Variants in MEI4 observed in about 807,000 individuals in gnomAD.
MEI4 encodes the protein meiotic double-stranded break formation protein 4, also known as meiosis-specific protein MEI4.
MEI4 carries 27 observed loss-of-function variants against 31.4 expected under a neutral mutation model. The ratio of observed to expected loss-of-function variants is 0.86; its 90% confidence interval spans 0.63 to 1.19. The LOEUF is 1.19. Ranked by LOEUF, MEI4 falls within the 50% of genes most tolerant of loss-of-function variation. The pLI is 0.00. For missense variants in MEI4, 329 were observed against 398.9 expected (o/e 0.82, Z 1.49); for synonymous variants, 122 against 145.4 (o/e 0.84, Z 1.16).
chr6:77,878,696 C>T (rs1771404339), intron 4 of MEI4, among the ~76,000 whole-genome samples: 1 of 151,982 alleles, frequency 6.6e-6, no homozygotes, highest in Non-Finnish European at 1.5e-5. Flanking sequence ...ATAACACAAA[C>T]CGCTCAAGTG....
intron 3 of MEI4, among the ~76,000 whole-genome samples, chr6:77,801,021 A>G (rs1485758228): frequency 6.6e-6 from 1 of 151,434 alleles, no homozygotes; most frequent in Non-Finnish European, 1.5e-5. Context: ...TGAGTTAGGG[A>G]GGATTCCCTC....
chr6:77,840,122 G>C lies in MEI4; in HGVS notation c.900+11060G>C, dbSNP rs534733651. 2.6e-5 allele frequency among the ~76,000 whole-genome samples: 4 copies of C among 152,268 alleles called. No individual in the cohort carries two copies. The East Asian group carries it at 7.7e-4, about 29-fold the overall frequency. On this transcript the variant is annotated intron_variant, in intron 4 of 4. Coordinates refer to ENST00000684080, the MANE Select transcript of MEI4 (RefSeq NM_001322247.2). Reference sequence around the variant, plus strand: ...GTGTGTTTTTTGTGTGTTTGTACCTGTGTACATACATACATGCATACATGT... The same window carrying C: ...GTGTGTTTTTTGTGTGTTTGTACCTCTGTACATACATACATGCATACATGT...
At chr6:77,743,856 CAG>C (rs1272149635) in intron 2 of MEI4, among the ~76,000 whole-genome samples, 1 of 152,224 alleles carries the variant, frequency 6.6e-6, no homozygotes, top group Non-Finnish European at 1.5e-5. Context: ...CGCAGGCAAA[CAG>C]GGTGTGCAGT....
At chr6:77,787,485 T>C (rs1422241062) in intron 3 of MEI4, among the ~76,000 whole-genome samples, 1 of 152,190 alleles carries the variant, frequency 6.6e-6, no homozygotes, top group Non-Finnish European at 1.5e-5. Flanking sequence ...AACAGCCATG[T>C]GATCTGGCTC....
At chr6:77,799,883 T>C (rs900208283) in intron 3 of MEI4, among the ~76,000 whole-genome samples, 4 of 152,156 alleles carry the variant, frequency 2.6e-5, no homozygotes, top group African/African-American at 9.7e-5. Context: ...TACCATGCTG[T>C]TTTGGTTACT....
At chr6:77,744,346 A>G (rs1021686309) in intron 2 of MEI4, among the ~76,000 whole-genome samples, 1 of 152,204 alleles carries the variant, frequency 6.6e-6, no homozygotes, top group African/African-American at 2.4e-5. Flanking sequence ...AGCCGATGCA[A>G]TCAACTGGAA....
intron 4 of MEI4, among the ~76,000 whole-genome samples, chr6:77,867,179 G>C (rs1187964114): frequency 3.9e-5 from 6 of 152,090 alleles, no homozygotes; most frequent in Admixed American, 2.6e-4. Context: ...GACTTCATGT[G>C]TAAAACACCA....
chr6:77,800,334 CA>C (rs1769216298), intron 3 of MEI4, among the ~76,000 whole-genome samples: 1 of 152,066 alleles, frequency 6.6e-6, no homozygotes, highest in Admixed American at 6.6e-5. Context: ...GTGATTTTTG[CA>C]CATTGATTTT....
At chr6:77,792,203 T>C (rs1768955492) in intron 3 of MEI4, among the ~76,000 whole-genome samples, 1 of 152,188 alleles carries the variant, frequency 6.6e-6, no homozygotes, top group African/African-American at 2.4e-5. Context: ...AAAGTATTGA[T>C]GGACAATTAA....
At chr6:77,665,386 G>A (rs990714254) in intron 1 of MEI4, among the ~76,000 whole-genome samples, 10 of 152,086 alleles carry the variant, frequency 6.6e-5, no homozygotes. Context: ...AAGGGTGAAG[G>A]AGAAGGGGTT....
chr6:77,797,637 T>G (rs550707977), intron 3 of MEI4, among the ~76,000 whole-genome samples: 6 of 152,184 alleles, frequency 3.9e-5, no homozygotes, highest in Admixed American at 3.3e-4. Flanking sequence ...TTGAAGAACT[T>G]GGAGTCTGTT....
rs1770518439 is a variant in MEI4 at position 77,847,548 on chromosome 6, C to G, written c.900+18486C>G. ...TTACTGATTGTTTTTCTCTTGTTTCCTGTGGCAAGTAAAATATATTTGTTC... is the reference window on the plus strand; with the variant it reads ...TTACTGATTGTTTTTCTCTTGTTTCGTGTGGCAAGTAAAATATATTTGTTC... On this transcript the variant is annotated intron_variant, in intron 4 of 4. Coordinates refer to ENST00000684080, the MANE Select transcript of MEI4 (RefSeq NM_001322247.2). This position sits in a 1 kb window ranked among gnomAD's most constrained non-coding sequence, Gnocchi z 4.6. Among the ~76,000 whole-genome samples, 2 of 152,060 alleles carry G rather than the reference C, an allele frequency of 1.3e-5. No homozygotes were observed. The highest frequency in any genetic ancestry group is 2.9e-5 in the Non-Finnish European group (2 of 67,990).
At chr6:77,735,267 A>G (rs1290860126) in intron 2 of MEI4, among the ~76,000 whole-genome samples, 1 of 151,466 alleles carries the variant, frequency 6.6e-6, no homozygotes, top group Non-Finnish European at 1.5e-5. Flanking sequence ...ACTTTCAGGT[A>G]CACCAATCAG....
intron 4 of MEI4, among the ~76,000 whole-genome samples, chr6:77,835,954 A>G (rs930160031): frequency 2.6e-5 from 4 of 152,144 alleles, no homozygotes; most frequent in Non-Finnish European, 4.4e-5. Flanking sequence ...CAAATTGTAA[A>G]TGAAAAATAA....
intron 4 of MEI4, among the ~76,000 whole-genome samples, chr6:77,887,517 G>A (rs551182090): frequency 8.6e-5 from 13 of 151,960 alleles, no homozygotes; most frequent in Admixed American, 7.2e-4. Context: ...GGCTGGTCTC[G>A]AACTCCTGAC....
intron 3 of MEI4, among the ~76,000 whole-genome samples, chr6:77,822,395 G>T (rs879875933): frequency 6.6e-6 from 1 of 151,886 alleles, no homozygotes; most frequent in African/African-American, 2.4e-5. Flanking sequence ...TTATGGTAAG[G>T]GTTTATCATG....
At position 77,841,333 on chromosome 6, in the gene MEI4, A is replaced by ATATTTTTTTTTTTT; in HGVS notation, c.900+12272_900+12273insATTTTTTTTTTTTT. 3.2e-4 allele frequency among the ~76,000 whole-genome samples: 9 copies of ATATTTTTTTTTTTT among 27,736 alleles called. 1 individual carries two copies. Among genetic ancestry groups the ATATTTTTTTTTTTT allele is most frequent in the African/African-American group, 6.5e-4 (2 of 3,074 alleles). The allele number at this position is 27,736 out of a possible 152,430, so 18.2% of individuals were successfully genotyped here. A position where few individuals can be genotyped will look rare whatever the true frequency, so the allele number is the denominator to read the frequency against. On this transcript the variant is annotated intron_variant, in intron 4 of 4. Transcript: ENST00000684080. Reference sequence around the variant, plus strand: ...TGTGTGCATATATATATATATATATATTTTTTTTTTTTTTTTTTTTTTTGA... The same window carrying ATATTTTTTTTTTTT: ...TGTGTGCATATATATATATATATATATATTTTTTTTTTTTTTTTTTTTTTTTTTTTTTTTTTTGA...
chr6:77,901,217 C>T (rs1766181079), intron 4 of MEI4, among the ~76,000 whole-genome samples: 1 of 151,848 alleles, frequency 6.6e-6, no homozygotes. Flanking sequence ...TTTTTATTTT[C>T]TTTAGATATA....
intron 4 of MEI4, among the ~76,000 whole-genome samples, chr6:77,912,654 ATTG>A (rs1766458345): frequency 6.6e-6 from 1 of 151,990 alleles, no homozygotes; most frequent in Non-Finnish European, 1.5e-5. Context: ...GGATTTGTAT[ATTG>A]TTTCAGTTTT....
Sources: gnomAD v4.1 joint callset for allele counts (sites outside exome capture counted in the v4.1 genomes callset) on GRCh38, gnomAD v4.1.1 for gene constraint, Gnocchi (gnomAD v3.1) non-coding constraint, MANE v1.5 for transcripts, NCBI Gene and HGNC (gene_info 2026-07-23, HGNC 2026-07-21) for gene names.